RDX: variants seen among roughly 807,000 people sequenced by gnomAD.
RDX encodes deafness, autosomal recessive 24.
Under a neutral mutation model 83.7 loss-of-function variants are expected in RDX, and 32 were observed. The observed-to-expected ratio is 0.38, with a 90% CI of 0.29 to 0.51. RDX has a LOEUF of 0.51. Among genes scored for constraint, RDX ranks in the 20% least tolerant of loss-of-function variants. RDX has a pLI of 0.87. For synonymous variants in RDX, 229 were observed against 222.7 expected, an observed-to-expected ratio of 1.03 and a Z score of -0.25; for missense variants, 600 against 689.9, an observed-to-expected ratio of 0.87 and a Z score of 1.46.
intron 14 of RDX, among the ~76,000 whole-genome samples, chr11:110,211,577 C>G (rs1472925483): frequency 1.3e-5 from 2 of 151,308 alleles, no homozygotes; most frequent in Non-Finnish European, 2.9e-5. Flanking sequence ...TGACCACATA[C>G]TGGGAAGTAA....
At chr11:110,257,202 T>C (rs1414586580) in intron 7 of RDX, among the ~76,000 whole-genome samples, 2 of 151,400 alleles carry the variant, frequency 1.3e-5, no homozygotes, top group East Asian at 1.9e-4. Flanking sequence ...TGATGAATTA[T>C]ATATGTATAA....
intron 14 of RDX, among the ~76,000 whole-genome samples, chr11:110,217,733 C>A (rs901446803): frequency 1.3e-5 from 2 of 152,114 alleles, no homozygotes; most frequent in African/African-American, 4.8e-5. Flanking sequence ...ACGCCCTCGG[C>A]CCTAAAGGCA....
chr11:110,252,928 A>AG (rs1169809014), intron 9 of RDX, among the ~76,000 whole-genome samples: 1 of 152,172 alleles, frequency 6.6e-6, no homozygotes, highest in African/African-American at 2.4e-5. Context: ...CACCATCCTC[A>AG]GCTCACCAAC....
Position 110,233,423 on chromosome 11 carries a change from C to T in RDX, c.1401G>A (p.Met467Ile), listed in dbSNP as rs769377191. Reference sequence around the variant, plus strand: ...GTGGTGGAGGTGGAGGGGGGGCAGACATCACAGTTTTTAACTCTTCTTTGG... The same window carrying T: ...GTGGTGGAGGTGGAGGGGGGGCAGATATCACAGTTTTTAACTCTTCTTTGG... ...EKTKEELKTV[M>I]SAPPPPPPPP... Residue 467 changes from methionine to isoleucine, a missense_variant, in exon 13 of 14, where the codon ATG becomes ATA. Transcript: ENST00000645495. The T allele has an allele frequency of 3.1e-6, 5 of 1,613,982 alleles. No homozygotes were observed. The Admixed American group carries it at 8.3e-5, about 27-fold the overall frequency.
downstream of RDX, among the ~76,000 whole-genome samples, chr11:110,228,898 AATAAAGTG>A (rs1437095781): frequency 6.6e-6 from 1 of 151,946 alleles, no homozygotes; most frequent in Non-Finnish European, 1.5e-5. Flanking sequence ...GAACAGAAAT[AATAAAGTG>A]ACAGTTAAAT....
chr11:110,210,790 G>A (rs1440675589), intron 14 of RDX, among the ~76,000 whole-genome samples: 1 of 152,016 alleles, frequency 6.6e-6, no homozygotes, highest in African/African-American at 2.4e-5. Flanking sequence ...AGCAAATGCT[G>A]AGAGATTTTG....
intron 15 of RDX, among the ~76,000 whole-genome samples, chr11:110,187,003 C>T (rs956376930): frequency 6.6e-6 from 1 of 152,222 alleles, no homozygotes. Context: ...TGGAACTGTG[C>T]TCTCCTCTGT....
Position 110,264,848 on chromosome 11 carries a change from C to G in RDX, c.123G>C (p.Glu41Asp). ...DQVVKTVGLR[E>D]VWFFGLQYVD... The stretch of plus-strand genomic sequence containing the variant: ...CATACTGCAGCCCAAAAAACCAGAC[C>G]TCACGCAAACCAACTGTTTTCACCA... Residue 41 changes from glutamate to aspartate, a missense_variant, in exon 4 of 14, where the codon GAG becomes GAC. Coordinates refer to ENST00000645495, the MANE Select transcript of RDX (RefSeq NM_002906.4). The G allele has an allele frequency of 1.2e-6, 2 of 1,613,816 alleles. No individual in the cohort carries two copies. The highest frequency in any genetic ancestry group is 1.7e-6 in the Non-Finnish European group (2 of 1,179,932).
intron 2 of RDX, among the ~76,000 whole-genome samples, chr11:110,277,470 C>A (rs1352772699): frequency 6.6e-6 from 1 of 152,110 alleles, no homozygotes; most frequent in Admixed American, 6.6e-5. Flanking sequence ...CAGGAATGTG[C>A]CACAATGCCT....
chr11:110,200,811 A>G (rs966765144), intron 14 of RDX, among the ~76,000 whole-genome samples: 7 of 152,236 alleles, frequency 4.6e-5, no homozygotes, highest in Non-Finnish European at 7.3e-5. Flanking sequence ...CGATGGTTCA[A>G]TAGTACCTGA....
intron 3 of RDX, among the ~76,000 whole-genome samples, chr11:110,268,996 T>G (rs1421448444): frequency 6.7e-6 from 1 of 150,048 alleles, no homozygotes. Flanking sequence ...TTTAATTAAT[T>G]TATTTATTTT....
chr11:110,182,643 A>T (rs1862910406), intron 15 of RDX, among the ~76,000 whole-genome samples: 1 of 152,182 alleles, frequency 6.6e-6, no homozygotes, highest in South Asian at 2.1e-4. Context: ...GAATAGGAGA[A>T]TGGTAATTCT....
intron 14 of RDX, among the ~76,000 whole-genome samples, chr11:110,207,562 C>T (rs148396958): frequency 4.6e-5 from 7 of 152,210 alleles, no homozygotes; most frequent in African/African-American, 1.7e-4. Flanking sequence ...GGCTCGTTGG[C>T]CAAACCCAGC....
At chr11:110,176,151 C>T (rs1201546498) in intron 15 of RDX, among the ~76,000 whole-genome samples, 1 of 150,582 alleles carries the variant, frequency 6.6e-6, no homozygotes, top group African/African-American at 2.4e-5. Context: ...AGTGGCGTGA[C>T]CTCGGCTCAC....
intron 9 of RDX, among the ~76,000 whole-genome samples, chr11:110,248,953 T>C (rs921493523): frequency 3.9e-5 from 6 of 152,186 alleles, no homozygotes; most frequent in African/African-American, 1.4e-4. Flanking sequence ...TTAAAAAATA[T>C]CATCAGAGCT....
intron 11 of RDX, 182 bp from the exon 12 acceptor site, chr11:110,236,373 C>A: frequency 1.8e-6 from 1 of 554,064 alleles, no homozygotes; most frequent in South Asian, 2.4e-5. Context: ...AGGTAATGAG[C>A]TAAGGAGACA....
At chr11:110,211,121 G>C (rs886486735) in intron 14 of RDX, among the ~76,000 whole-genome samples, 2 of 152,138 alleles carry the variant, frequency 1.3e-5, no homozygotes, top group African/African-American at 2.4e-5. Flanking sequence ...GACACACATA[G>C]GCTCAAAATA....
At chr11:110,267,891 C>T (rs756462315) in intron 3 of RDX, among the ~76,000 whole-genome samples, 2 of 151,478 alleles carry the variant, frequency 1.3e-5, no homozygotes, top group African/African-American at 2.4e-5. Context: ...GAGGTCAAGG[C>T]TGCAGTGAGC....
chr11:110,291,530 C>T (rs1861243397), intron 1 of RDX, among the ~76,000 whole-genome samples: 1 of 152,062 alleles, frequency 6.6e-6, no homozygotes, highest in South Asian at 2.1e-4. Context: ...GGAAACAGTT[C>T]CTCTTATTCC....
Sources: allele counts gnomAD v4.1 joint callset (sites outside exome capture counted in the v4.1 genomes callset), GRCh38; gene constraint gnomAD v4.1.1; transcripts MANE v1.5; gene names NCBI Gene and HGNC (gene_info 2026-07-23, HGNC 2026-07-21).